The following PPP3CB variants were observed in gnomAD, a reference collection of about 807,000 sequenced individuals.
The protein encoded by PPP3CB is serine/threonine-protein phosphatase 2B catalytic subunit beta isoform.
A neutral mutation model predicts 66.4 loss-of-function variants in PPP3CB; 8 were observed. That is an observed-to-expected ratio of 0.12 (90% CI 0.07 to 0.22). The LOEUF (loss-of-function observed/expected upper bound fraction) is 0.22, where lower values mean the gene tolerates loss of function less well. Among genes scored for constraint, PPP3CB ranks in the 10% least tolerant of loss-of-function variants. The pLI is 1.00. For missense variants in PPP3CB, 319 were observed against 642.5 expected (o/e 0.50, Z 5.44); for synonymous variants, 208 against 221.2 (o/e 0.94, Z 0.53).
intron 1 of PPP3CB, chr10:73,495,573 G>A (rs1810012271): frequency 4.7e-6 from 2 of 423,444 alleles, no homozygotes; most frequent in Non-Finnish European, 7.8e-6. Flanking sequence ...GGGCTAGGAA[G>A]CCACGGAAGC....
Position 73,467,671 on chromosome 10 carries a change from T to C in PPP3CB, c.990A>G (p.Val330=), listed in dbSNP as rs755763095. 1.3e-6 allele frequency: 2 copies of C among 1,552,808 alleles called. No individual in the cohort carries two copies. The highest frequency in any genetic ancestry group is 2.4e-5 in the South Asian group (2 of 83,366). ...TCATCACATTATTTTCATACTTTAA[T>C]ACAGCAGCTGCAAGATAAGTTGAAC... ...YLDVYNNKAA[V]LKYENNVMNI... is the part of the protein sequence containing the mutation. The change falls in exon 9 of 14, where the codon GTA becomes GTG. Residue 330 remains valine (V), a synonymous_variant. Coordinates refer to ENST00000360663, the MANE Select transcript of PPP3CB (RefSeq NM_021132.4).
At chr10:73,480,770 TC>T (rs1457857227) in intron 1 of PPP3CB, among the ~76,000 whole-genome samples, 6 of 152,126 alleles carry the variant, frequency 3.9e-5, no homozygotes, top group Non-Finnish European at 7.4e-5. Context: ...AACCAAAAGT[TC>T]CCATTTCATC....
In PPP3CB at chr10:73,479,349, T is replaced by C. The variant is rs2132971803; in HGVS notation, c.254A>G (p.Lys85Arg). Residue 85 changes from lysine to arginine, a missense_variant, in exon 2 of 14, where the codon AAA becomes AGA. Physicochemically the swap from Lys to Arg is conservative, Grantham distance 26. Coordinates refer to ENST00000360663, the MANE Select transcript of PPP3CB (RefSeq NM_021132.4). ...NEGAAILRREKTMIEVEAPIT... is the reference protein window; with the variant it reads ...NEGAAILRRERTMIEVEAPIT... ...TGGAGCTTCTACTTCTATCATGGTTTTCTCTCTCCGAAGGATGGCAGCACC... is the reference window on the plus strand; with the variant it reads ...TGGAGCTTCTACTTCTATCATGGTTCTCTCTCTCCGAAGGATGGCAGCACC... 1 of 1,614,136 alleles carries C rather than the reference T, an allele frequency of 6.2e-7. No individual in the cohort carries two copies. Among genetic ancestry groups the C allele is most frequent in the Non-Finnish European group, 8.5e-7 (1 of 1,180,006 alleles).
At chr10:73,466,483 G>A (rs1317576170) in intron 9 of PPP3CB, among the ~76,000 whole-genome samples, 1 of 152,134 alleles carries the variant, frequency 6.6e-6, no homozygotes, top group Non-Finnish European at 1.5e-5. Flanking sequence ...ATCTGATGAT[G>A]CTATGATTGA....
chr10:73,477,218 A>G, intron 3 of PPP3CB: 1 of 518,616 alleles, frequency 1.9e-6, no homozygotes, highest in Non-Finnish European at 3.8e-6. Context: ...CATGCTTAGA[A>G]CATATTAAAT....
intron 1 of PPP3CB, among the ~76,000 whole-genome samples, chr10:73,488,370 C>A (rs1342499246): frequency 2.0e-5 from 3 of 151,836 alleles, no homozygotes; most frequent in Non-Finnish European, 4.4e-5. Context: ...CATAGTGAGA[C>A]CTCTGTCTCC....
intron 1 of PPP3CB, among the ~76,000 whole-genome samples, chr10:73,480,251 C>T (rs553238191): frequency 6.6e-6 from 1 of 152,220 alleles, no homozygotes; most frequent in South Asian, 2.1e-4. Flanking sequence ...TAACGTTTCA[C>T]AAAACACCTT....
chr10:73,466,304 A>G (rs997353240), intron 9 of PPP3CB, among the ~76,000 whole-genome samples: 2 of 152,196 alleles, frequency 1.3e-5, no homozygotes, highest in Non-Finnish European at 2.9e-5. Flanking sequence ...ATATAACGAA[A>G]TATTTCCTTA....
At chr10:73,466,729 G>A (rs74530652) in intron 9 of PPP3CB, among the ~76,000 whole-genome samples, 7,096 of 152,160 alleles carry the variant, frequency 0.047, 508 homozygotes, top group African/African-American at 0.15. Context: ...CAGAAGTGAC[G>A]TATCTCATAC....
At chr10:73,491,547 A>G (rs998307971) in intron 1 of PPP3CB, among the ~76,000 whole-genome samples, 1 of 152,376 alleles carries the variant, frequency 6.6e-6, no homozygotes, top group South Asian at 2.1e-4. Flanking sequence ...TTTTACACAG[A>G]TAAGTCCACA....
chr10:73,454,311 A>G, intron 10 of PPP3CB, 101 bp downstream of exon 10: 1 of 618,016 alleles, frequency 1.6e-6, no homozygotes. Context: ...TAGTCTCTGA[A>G]AGCAATGACT....
At chr10:73,443,270 A>AAGAAAGAAAGACAGAC (rs1321939231) in intron 12 of PPP3CB, among the ~76,000 whole-genome samples, 1 of 128,764 alleles carries the variant, frequency 7.8e-6, no homozygotes, top group Non-Finnish European at 1.6e-5. Flanking sequence ...GAGAGAGAGA[A>AAGAAAGAAAGACAGAC]AGAAAGAAAG....
chr10:73,471,047 T>A (rs1419290508), intron 6 of PPP3CB, 23 bp downstream of exon 6: 1 of 1,597,532 alleles, frequency 6.3e-7, no homozygotes, highest in Admixed American at 1.7e-5. Context: ...AAAATGTGAT[T>A]AATCTTGGAT....
At chr10:73,458,510 A>G (rs2056466991) in intron 9 of PPP3CB, among the ~76,000 whole-genome samples, 1 of 152,066 alleles carries the variant, frequency 6.6e-6, no homozygotes, top group African/African-American at 2.4e-5. Flanking sequence ...TTGAAAATAT[A>G]TTCATCCTCG....
At chr10:73,460,211 T>C (rs2056498416) in intron 9 of PPP3CB, among the ~76,000 whole-genome samples, 2 of 135,358 alleles carry the variant, frequency 1.5e-5, no homozygotes, top group Non-Finnish European at 3.0e-5. Flanking sequence ...AGCTTTAAAG[T>C]ATACATTTTC....
chr10:73,454,509 T>G lies in PPP3CB; in HGVS notation c.1109-20A>C. On this transcript the variant is annotated intron_variant, in intron 9 of 13. Transcript: ENST00000360663. ...CTGTCACTATTTGGGAAAAAAAAGT[T>G]ACATGTTAGCTGACCATATATAACT... The G allele has an allele frequency of 6.4e-7, 1 of 1,567,136 alleles. No individual in the cohort carries two copies. Among genetic ancestry groups the G allele is most frequent in the Non-Finnish European group, 8.8e-7 (1 of 1,138,236 alleles).
chr10:73,476,387 C>A (rs1405970872), intron 3 of PPP3CB, among the ~76,000 whole-genome samples: 1 of 152,108 alleles, frequency 6.6e-6, no homozygotes, highest in Non-Finnish European at 1.5e-5. Flanking sequence ...GAGGCCGAGG[C>A]AGGCAGATCA....
At chr10:73,479,269 T>C in intron 2 of PPP3CB, 48 bp downstream of exon 2, 1 of 1,540,650 alleles carries the variant, frequency 6.5e-7, no homozygotes, top group Non-Finnish European at 9.0e-7. Context: ...TCCAGGCAAC[T>C]AAATAATGAC....
At position 73,490,979 on chromosome 10, in the gene PPP3CB, C is replaced by T. The variant is rs555417176; in HGVS notation, c.85+4826G>A. ...TCCCAAGTAGTTAGGATTACAGGTG[C>T]GTGCCACCACACCCTGCTAATTTTT... On this transcript the variant is annotated intron_variant, in intron 1 of 13. Coordinates refer to ENST00000360663, the MANE Select transcript of PPP3CB (RefSeq NM_021132.4). Among the ~76,000 whole-genome samples, 123 of 143,296 alleles carry T rather than the reference C, an allele frequency of 8.6e-4. No individual in the cohort carries two copies. In the East Asian group the frequency reaches 0.012, roughly 14 times the overall value. 94.0% of individuals were successfully genotyped at this position (143,296 alleles called of 152,430 possible).
Sources: gnomAD v4.1 joint callset for allele counts (sites outside exome capture counted in the v4.1 genomes callset) on GRCh38, gnomAD v4.1.1 for gene constraint, MANE v1.5 for transcripts, NCBI Gene and HGNC (gene_info 2026-07-23, HGNC 2026-07-21) for gene names.